BCAS2: variants seen among roughly 807,000 people sequenced by gnomAD.
The protein encoded by BCAS2 is pre-mRNA-splicing factor SPF27.
BCAS2 carries 34 observed loss-of-function variants against 35.3 expected under a neutral mutation model. The observed-to-expected ratio is 0.96, with a 90% CI of 0.73 to 1.28. The LOEUF is 1.28. Ranked by LOEUF, BCAS2 falls within the 50% of genes most tolerant of loss-of-function variation. The pLI is 0.00. For missense variants in BCAS2, 221 were observed against 268.1 expected, an observed-to-expected ratio of 0.82 and a Z score of 1.23; for synonymous variants, 75 against 91.6, an observed-to-expected ratio of 0.82 and a Z score of 1.03.
In BCAS2 at chr1:114,581,310, A is replaced by G. The variant is rs757242291; in HGVS notation, c.175T>C (p.Ser59Pro). 8 of 1,614,204 alleles carry G rather than the reference A, an allele frequency of 5.0e-6. No homozygotes were observed. The highest frequency in any genetic ancestry group is 6.8e-6 in the Non-Finnish European group (8 of 1,180,026). ...YLSYLTAPDYSAFETDIMRNE... is the reference protein window; with the variant it reads ...YLSYLTAPDYPAFETDIMRNE... ...CAAGACATACTTACTTCAAAGGCAG[A>G]ATAATCCGGGGCTGTCAGGTAGCTC... Residue 59 changes from serine (S) to proline (P), a missense_variant, in exon 2 of 7, where the codon TCT becomes CCT. Ser to Pro is a moderately conservative substitution (Grantham distance 74). Transcript: ENST00000369541.
At position 114,581,488 on chromosome 1, in the gene BCAS2, C is replaced by T. The variant is rs1654889695; in HGVS notation, c.93+11G>A. On this transcript the variant is annotated intron_variant, in intron 1 of 6. Transcript: ENST00000369541. ...AGCAGTGAGTCAGCTACAAAGACAC[C>T]CCGCACTCACCGCTTCCCGCACACC... 6.2e-7 allele frequency: 1 copy of T among 1,614,060 alleles called. No individual in the cohort carries two copies. Among genetic ancestry groups the T allele is most frequent in the South Asian group, 1.1e-5 (1 of 91,080 alleles).
At position 114,577,327 on chromosome 1, in the gene BCAS2, G is replaced by A. The variant is rs1019772412; in HGVS notation, c.187-569C>T. On this transcript the variant is annotated intron_variant, in intron 2 of 6. Transcript: ENST00000369541. ...CCTCACCAGATGCAGCCTGTGAACC[G>A]TACACTTTCCAGCCTCCAGAAATCC... Among the ~76,000 whole-genome samples, 8 of 151,982 alleles carry A rather than the reference G, an allele frequency of 5.3e-5. 1 individual carries two copies. The highest frequency in any genetic ancestry group is 2.6e-4 in the Admixed American group (4 of 15,246).
intron 2 of BCAS2, among the ~76,000 whole-genome samples, chr1:114,578,830 T>G (rs1654826261): frequency 6.6e-6 from 1 of 152,224 alleles, no homozygotes; most frequent in South Asian, 2.1e-4. Context: ...TCAGAGGCAG[T>G]TTGAAGAACA....
chr1:114,568,157 G>C lies in BCAS2; in HGVS notation c.651C>G (p.Asn217Lys). ...AGAAGTCTTGCCGGATGTTTTCTTT[G>C]TTTGCCTCTCCATGTTGCTGCTTAA... ...YQIKQQHGEA[N>K]KENIRQDF The change falls in exon 7 of 7, where the codon AAC (asparagine) becomes AAG (lysine). Residue 217 changes from asparagine (N) to lysine (K), a missense_variant. Transcript: ENST00000369541. The C allele has an allele frequency of 6.2e-7, 1 of 1,612,850 alleles. No individual in the cohort carries two copies. The highest frequency in any genetic ancestry group is 8.5e-7 in the Non-Finnish European group (1 of 1,179,882).
intron 4 of BCAS2, 81 bp downstream of exon 4, chr1:114,575,508 TA>T: frequency 1.4e-6 from 2 of 1,396,158 alleles, no homozygotes; most frequent in South Asian, 2.9e-5. Context: ...CCCATACTTT[TA>T]AAATGTACTA....
chr1:114,571,340 C>T (rs374005142), intron 4 of BCAS2, among the ~76,000 whole-genome samples: 61 of 152,062 alleles, frequency 4.0e-4, no homozygotes, highest in South Asian at 3.5e-3. Context: ...AGATAACAGG[C>T]GTGAGCCACT....
chr1:114,580,665 T>A (rs1404833970), intron 2 of BCAS2, among the ~76,000 whole-genome samples: 2 of 152,090 alleles, frequency 1.3e-5, no homozygotes, highest in South Asian at 4.1e-4. Flanking sequence ...AAAGAAAAAT[T>A]AAAAGAAAAC....
intron 6 of BCAS2, among the ~76,000 whole-genome samples, chr1:114,569,346 A>G (rs1654595263): frequency 6.6e-6 from 1 of 152,174 alleles, no homozygotes; most frequent in African/African-American, 2.4e-5. Flanking sequence ...CCAAGCAAAA[A>G]GGAAGAGAGA....
intron 2 of BCAS2, among the ~76,000 whole-genome samples, chr1:114,579,469 A>G (rs1356848229): frequency 6.6e-6 from 1 of 152,222 alleles, no homozygotes; most frequent in Non-Finnish European, 1.5e-5. Flanking sequence ...ATAAGGAAGC[A>G]TTACTGTACT....
chr1:114,577,724 C>T (rs1654800383), intron 2 of BCAS2, among the ~76,000 whole-genome samples: 2 of 152,202 alleles, frequency 1.3e-5, no homozygotes, highest in Non-Finnish European at 2.9e-5. Context: ...AACGTCCTAA[C>T]CCATTTCCAT....
intron 5 of BCAS2, 45 bp from the exon 6 acceptor site, chr1:114,570,117 A>C: frequency 7.6e-7 from 1 of 1,319,510 alleles, no homozygotes; most frequent in Non-Finnish European, 1.1e-6. Context: ...TTAATGTAAG[A>C]CCTAAATCAA....
intron 4 of BCAS2, among the ~76,000 whole-genome samples, chr1:114,571,149 G>A (rs771839869): frequency 4.0e-5 from 6 of 151,662 alleles, no homozygotes; most frequent in African/African-American, 1.5e-4. Context: ...TCTGCTTCCT[G>A]GTTCAAGAGA....
intron 3 of BCAS2, 30 bp from the exon 4 acceptor site, chr1:114,575,781 C>A (rs763623612): frequency 1.4e-5 from 23 of 1,606,758 alleles, no homozygotes; most frequent in Non-Finnish European, 1.9e-5. Flanking sequence ...TAAAATAAAA[C>A]CATCTATACT....
intron 2 of BCAS2, among the ~76,000 whole-genome samples, chr1:114,577,052 A>G (rs990181144): frequency 1.3e-5 from 2 of 152,192 alleles, no homozygotes; most frequent in African/African-American, 2.4e-5. Flanking sequence ...CGACAGTGCT[A>G]TGGTTTGAAT....
intron 4 of BCAS2, among the ~76,000 whole-genome samples, chr1:114,574,582 T>C (rs1428300673): frequency 1.3e-5 from 2 of 152,226 alleles, no homozygotes; most frequent in Admixed American, 6.5e-5. Context: ...TCAGTGTTCA[T>C]AGGACTTAAA....
chr1:114,569,857 G>A, intron 6 of BCAS2, 135 bp downstream of exon 6: 3 of 680,336 alleles, frequency 4.4e-6, no homozygotes, highest in Non-Finnish European at 7.6e-6. Flanking sequence ...GCAGAGACGG[G>A]GAAGGGTGAA....
chr1:114,568,348 A>C, intron 6 of BCAS2, 92 bp from the exon 7 acceptor site: 1 of 1,328,624 alleles, frequency 7.5e-7, no homozygotes, highest in African/African-American at 1.5e-5. Flanking sequence ...GTTCACCCAG[A>C]GCTATAACAC....
At chr1:114,581,418 A>G in intron 1 of BCAS2, 27 bp from the exon 2 acceptor site, 1 of 1,614,074 alleles carries the variant, frequency 6.2e-7, no homozygotes, top group East Asian at 2.2e-5. Context: ...GGACCAGGGT[A>G]GAAGTGGCAA....
intron 4 of BCAS2, 64 bp from the exon 5 acceptor site, chr1:114,570,814 T>C (rs972848138): frequency 1.7e-6 from 2 of 1,165,178 alleles, no homozygotes; most frequent in Admixed American, 4.9e-5. Context: ...AAGTGAACTT[T>C]TTCAAGTTTT....
Sources: gnomAD v4.1 joint callset for allele counts (sites outside exome capture counted in the v4.1 genomes callset) on GRCh38, gnomAD v4.1.1 for gene constraint, MANE v1.5 for transcripts, NCBI Gene and HGNC (gene_info 2026-07-23, HGNC 2026-07-21) for gene names.